GRID1: variants seen among roughly 807,000 people sequenced by gnomAD.
GRID1 encodes the protein glutamate receptor ionotropic, delta-1.
In GRID1, 28 loss-of-function variants were observed where a neutral mutation model predicts 98.0. The ratio of observed to expected loss-of-function variants is 0.29; its 90% CI spans 0.21 to 0.39. The LOEUF is 0.39. GRID1 is among the 10% of genes least tolerant of loss of function. The pLI, the probability that GRID1 is intolerant of heterozygous loss-of-function variation, is 1.00. For synonymous variants in GRID1, 553 were observed against 538.5 expected (o/e 1.03, Z -0.37); for missense variants, 1,111 against 1,340.5 (o/e 0.83, Z 2.67).
At chr10:86,219,995 C>T (rs1486503743) in intron 2 of GRID1, among the ~76,000 whole-genome samples, 1 of 152,210 alleles carries the variant, frequency 6.6e-6, no homozygotes, top group African/African-American at 2.4e-5. Flanking sequence ...GGTCATGCCT[C>T]ATGCCTTATT....
chr10:86,069,259 G>A (rs1217598002), intron 4 of GRID1, among the ~76,000 whole-genome samples: 1 of 152,170 alleles, frequency 6.6e-6, no homozygotes, highest in African/African-American at 2.4e-5. Context: ...GGTGATGTGA[G>A]CAGAATTATA....
intron 8 of GRID1, among the ~76,000 whole-genome samples, chr10:85,739,121 A>C (rs1841915205): frequency 6.6e-6 from 1 of 152,140 alleles, no homozygotes; most frequent in Non-Finnish European, 1.5e-5. Flanking sequence ...AATATAGTTA[A>C]GGTTTATTTA....
At chr10:86,162,057 A>C (rs2131987109) in intron 3 of GRID1, among the ~76,000 whole-genome samples, 1 of 152,348 alleles carries the variant, frequency 6.6e-6, no homozygotes. Context: ...ACACCCAACC[A>C]GTGGTAGGGC....
At chr10:85,681,080 C>T (rs562817871) in intron 12 of GRID1, among the ~76,000 whole-genome samples, 8 of 152,130 alleles carry the variant, frequency 5.3e-5, no homozygotes, top group South Asian at 2.1e-4. Flanking sequence ...TTCGTCACTA[C>T]GCAATATATC....
intron 2 of GRID1, among the ~76,000 whole-genome samples, chr10:86,213,355 T>A (rs1442249051): frequency 6.6e-6 from 1 of 151,946 alleles, no homozygotes; most frequent in Non-Finnish European, 1.5e-5. Context: ...CGCTGACACA[T>A]CTCTACCACC....
chr10:85,634,155 A>G (rs1316701166), intron 13 of GRID1, among the ~76,000 whole-genome samples: 1 of 149,940 alleles, frequency 6.7e-6, no homozygotes, highest in East Asian at 2.0e-4. Context: ...GGGCAACAAG[A>G]GCGAAACTCC....
chr10:86,244,878 T>C (rs144911232), intron 2 of GRID1, among the ~76,000 whole-genome samples: 9 of 152,374 alleles, frequency 5.9e-5, no homozygotes, highest in Non-Finnish European at 1.2e-4. Flanking sequence ...AACTGTGGTT[T>C]AATGAATTTC....
intron 2 of GRID1, among the ~76,000 whole-genome samples, chr10:86,240,826 GT>G (rs1457242602): frequency 6.6e-6 from 1 of 152,168 alleles, no homozygotes; most frequent in East Asian, 1.9e-4. Flanking sequence ...GTCACCTCAG[GT>G]CCCCATCCTC....
At chr10:85,704,110 C>T (rs928869357) in intron 12 of GRID1, among the ~76,000 whole-genome samples, 1 of 152,132 alleles carries the variant, frequency 6.6e-6, no homozygotes, top group Non-Finnish European at 1.5e-5. Flanking sequence ...ATCAAATTCA[C>T]ACATAACAAT....
intron 8 of GRID1, among the ~76,000 whole-genome samples, chr10:85,745,557 C>G (rs1236185316): frequency 7.8e-6 from 1 of 127,498 alleles, no homozygotes; most frequent in African/African-American, 3.1e-5. Flanking sequence ...GAATATCACA[C>G]TCTGGGGACG....
intron 15 of GRID1, 32 bp from the exon 16 acceptor site, chr10:85,602,733 GCCCT>G (rs1464383652): frequency 6.5e-7 from 1 of 1,537,204 alleles, no homozygotes; most frequent in Non-Finnish European, 8.9e-7. Flanking sequence ...GTCAGGTGGA[GCCCT>G]AACAGTGAGT....
intron 12 of GRID1, among the ~76,000 whole-genome samples, chr10:85,711,417 C>A (rs529674458): frequency 1.3e-5 from 2 of 151,866 alleles, no homozygotes; most frequent in Non-Finnish European, 1.5e-5. Flanking sequence ...TATGAGGTAC[C>A]TAGAGTAGTC....
At position 85,831,420 on chromosome 10, in the gene GRID1, C is replaced by T. The variant is rs543250666; in HGVS notation, c.1233+23076G>A. The stretch of plus-strand genomic sequence containing the variant: ...CCTATATAACAAACCTGCATATATA[C>T]CCCTGAAGCTAAAATAAGTTTTATA... On this transcript the variant is annotated intron_variant, in intron 8 of 15. Coordinates refer to ENST00000327946, the MANE Select transcript of GRID1 (RefSeq NM_017551.3). Among the ~76,000 whole-genome samples the T allele has an allele frequency of 1.1e-4, 17 of 151,868 alleles. 1 individual carries two copies. The highest frequency in any genetic ancestry group is 3.9e-4 in the African/African-American group (16 of 41,396).
intron 4 of GRID1, among the ~76,000 whole-genome samples, chr10:85,971,086 G>T (rs11599478): frequency 6.6e-6 from 1 of 151,792 alleles, no homozygotes; most frequent in East Asian, 1.9e-4. Flanking sequence ...TCCATTTACA[G>T]TAGTATGAAA....
Position 85,599,630 on chromosome 10 carries a change from T to A in GRID1, c.*2643A>T, listed in dbSNP as rs938483015. 1.3e-5 allele frequency: 2 copies of A among 151,334 alleles called. No homozygotes were observed. The highest frequency in any genetic ancestry group is 2.4e-5 in the African/African-American group (1 of 40,908). The allele number at this position is 151,334 out of a possible 1,614,324, so 9.4% of individuals were successfully genotyped here. A position where few individuals can be genotyped will look rare whatever the true frequency, so the allele number is the denominator to read the frequency against. On this transcript the variant is annotated 3_prime_UTR_variant, in exon 16 of 16. Transcript: ENST00000327946. ...AGGCACAAAATATACCTAAAATGTATGGAATAGTCTAAACAGAGTTATAAA... is the reference window on the plus strand; with the variant it reads ...AGGCACAAAATATACCTAAAATGTAAGGAATAGTCTAAACAGAGTTATAAA...
intron 6 of GRID1, among the ~76,000 whole-genome samples, chr10:85,863,049 T>C (rs1466680656): frequency 6.6e-6 from 1 of 152,176 alleles, no homozygotes; most frequent in Non-Finnish European, 1.5e-5. Flanking sequence ...CCCCATCGCG[T>C]ACAACACCGG....
At chr10:86,140,693 G>A (rs1017257440) in intron 3 of GRID1, among the ~76,000 whole-genome samples, 4 of 152,166 alleles carry the variant, frequency 2.6e-5, no homozygotes, top group African/African-American at 7.2e-5. Flanking sequence ...CACGAACTCC[G>A]ACACTTAGGA....
intron 4 of GRID1, among the ~76,000 whole-genome samples, chr10:86,090,728 A>C (rs1300663695): frequency 1.3e-5 from 2 of 152,222 alleles, no homozygotes; most frequent in Non-Finnish European, 2.9e-5. Flanking sequence ...CTCCAAGAAC[A>C]AACCAGCAAT....
chr10:85,810,078 G>A (rs144554338), intron 8 of GRID1, among the ~76,000 whole-genome samples: 312 of 151,740 alleles, frequency 2.1e-3, no homozygotes, highest in African/African-American at 7.1e-3. Flanking sequence ...TCTGCCCTGG[G>A]GGCCAGTAGC....
Sources: allele counts gnomAD v4.1 joint callset (sites outside exome capture counted in the v4.1 genomes callset), GRCh38; gene constraint gnomAD v4.1.1; transcripts MANE v1.5; gene names NCBI Gene and HGNC (gene_info 2026-07-23, HGNC 2026-07-21).